The following DAPK1 variants were observed in gnomAD, a reference collection of about 807,000 sequenced individuals.
DAPK1 encodes the protein death-associated protein kinase 1.
In DAPK1, 56 loss-of-function variants were observed where a neutral mutation model predicts 144.9. That is an observed-to-expected ratio of 0.39 (90% CI 0.31 to 0.48). The LOEUF (loss-of-function observed/expected upper bound fraction) is 0.48. DAPK1 is among the 20% of genes least tolerant of loss of function. The pLI is 0.95. For missense variants in DAPK1, 1,454 were observed against 1,875.4 expected, an observed-to-expected ratio of 0.78 and a Z score of 4.15; for synonymous variants, 690 against 749.0, an observed-to-expected ratio of 0.92 and a Z score of 1.29.
intron 3 of DAPK1, among the ~76,000 whole-genome samples, chr9:87,620,476 G>A (rs1829253382): frequency 6.6e-6 from 1 of 152,018 alleles, no homozygotes; most frequent in Admixed American, 6.5e-5. Context: ...CCTCTGATGG[G>A]CTGGTGGTCC....
At chr9:87,659,537 G>T (rs1386345500) in intron 18 of DAPK1, among the ~76,000 whole-genome samples, 1 of 152,238 alleles carries the variant, frequency 6.6e-6, no homozygotes, top group African/African-American at 2.4e-5. Flanking sequence ...GCCAGCAGCT[G>T]ACGCTGCTGA....
At chr9:87,593,056 G>C (rs1301948763) in intron 2 of DAPK1, among the ~76,000 whole-genome samples, 1 of 152,178 alleles carries the variant, frequency 6.6e-6, no homozygotes, top group Admixed American at 6.5e-5. Context: ...GCCACTCACT[G>C]CCTCCCTGAG....
At chr9:87,537,311 A>T (rs1825893040) in intron 2 of DAPK1, among the ~76,000 whole-genome samples, 1 of 152,028 alleles carries the variant, frequency 6.6e-6, no homozygotes, top group Admixed American at 6.6e-5. Context: ...TGTGTTTTGG[A>T]GGCCCTCTGT....
chr9:87,609,151 T>A (rs979463324), intron 3 of DAPK1, among the ~76,000 whole-genome samples: 1 of 152,212 alleles, frequency 6.6e-6, no homozygotes, highest in Non-Finnish European at 1.5e-5. Flanking sequence ...CACCGGCTTT[T>A]CCTTGCCTTT....
In DAPK1 at chr9:87,659,842, G is replaced by A. The variant is rs569661015; in HGVS notation, c.1923+1715G>A. Among the ~76,000 whole-genome samples, 21 of 151,036 alleles carry A rather than the reference G, an allele frequency of 1.4e-4. No homozygotes were observed. The East Asian group carries it at 1.9e-3, about 14-fold the overall frequency. On this transcript the variant is annotated intron_variant, in intron 18 of 25. Transcript: ENST00000408954. ...CACACACCGCACCCGCAGTCACTCC[G>A]CACACACCGGGGGCACAGTGAGAGC...
chr9:87,647,883 C>T (rs980300514), intron 14 of DAPK1, among the ~76,000 whole-genome samples: 2 of 152,176 alleles, frequency 1.3e-5, no homozygotes, highest in Non-Finnish European at 2.9e-5. Context: ...ATAAAAGTTA[C>T]TGATTTATCA....
intron 2 of DAPK1, among the ~76,000 whole-genome samples, chr9:87,547,826 G>C (rs1826316494): frequency 6.6e-6 from 1 of 152,148 alleles, no homozygotes; most frequent in African/African-American, 2.4e-5. Flanking sequence ...CCCTATTAGG[G>C]AGAGTGGTTG....
intron 2 of DAPK1, among the ~76,000 whole-genome samples, chr9:87,507,988 T>C (rs1004340295): frequency 2.0e-5 from 3 of 152,222 alleles, no homozygotes; most frequent in African/African-American, 7.2e-5. Flanking sequence ...TCTTAGTTCA[T>C]TGCTTTTACT....
chr9:87,557,519 A>G (rs1587716531), intron 2 of DAPK1, among the ~76,000 whole-genome samples: 1 of 152,364 alleles, frequency 6.6e-6, no homozygotes, highest in South Asian at 2.1e-4. Context: ...AGTAGCTTTT[A>G]TTGACAAATG....
intron 2 of DAPK1, among the ~76,000 whole-genome samples, chr9:87,520,810 G>C (rs1216065166): frequency 6.6e-6 from 1 of 152,198 alleles, no homozygotes; most frequent in East Asian, 1.9e-4. Context: ...TACATACTCA[G>C]TATAAATATA....
At chr9:87,600,592 C>T (rs1338152065) in intron 2 of DAPK1, among the ~76,000 whole-genome samples, 1 of 150,988 alleles carries the variant, frequency 6.6e-6, no homozygotes, top group Non-Finnish European at 1.5e-5. Context: ...GACCCTGTCT[C>T]AAGAAAAGAA....
chr9:87,703,837 C>T (rs1825542808), intron 25 of DAPK1, among the ~76,000 whole-genome samples: 1 of 152,244 alleles, frequency 6.6e-6, no homozygotes, highest in Non-Finnish European at 1.5e-5. Context: ...AAACCCTGTT[C>T]TAATGGCATC....
chr9:87,581,306 G>C (rs1201810357), intron 2 of DAPK1, among the ~76,000 whole-genome samples: 1 of 152,030 alleles, frequency 6.6e-6, no homozygotes, highest in African/African-American at 2.4e-5. Flanking sequence ...ATGGCACCTG[G>C]CTAGGCGTTA....
At chr9:87,517,375 GCA>G (rs1825103284) in intron 2 of DAPK1, among the ~76,000 whole-genome samples, 1 of 151,914 alleles carries the variant, frequency 6.6e-6, no homozygotes, top group Admixed American at 6.6e-5. Context: ...TCCTCCTTTT[GCA>G]AACTCCTGGG....
intron 2 of DAPK1, among the ~76,000 whole-genome samples, chr9:87,558,482 T>G (rs1257686509): frequency 6.8e-6 from 1 of 147,380 alleles, no homozygotes; most frequent in Non-Finnish European, 1.5e-5. Flanking sequence ...CACTTGATAA[T>G]ATGCTCCACA....
intron 19 of DAPK1, among the ~76,000 whole-genome samples, chr9:87,670,038 TACTC>T (rs1831203254): frequency 6.6e-6 from 1 of 152,292 alleles, no homozygotes; most frequent in South Asian, 2.1e-4. Flanking sequence ...TCCCTAGCCT[TACTC>T]ACCTGTTCTT....
intron 19 of DAPK1, among the ~76,000 whole-genome samples, chr9:87,680,628 G>A (rs1049787288): frequency 5.5e-5 from 8 of 145,248 alleles, no homozygotes; most frequent in African/African-American, 1.7e-4. Flanking sequence ...TCTAAATAAA[G>A]TGTGGGGGTC....
chr9:87,508,132 C>T (rs905841551), intron 2 of DAPK1, among the ~76,000 whole-genome samples: 1 of 151,958 alleles, frequency 6.6e-6, no homozygotes, highest in African/African-American at 2.4e-5. Flanking sequence ...CTGCCTCAGC[C>T]TCCTGAGTAG....
rs180884687 is a variant in DAPK1, at chr9:87,668,817, C to T, written c.2001+143C>T. 17 of 671,634 alleles carry T rather than the reference C, an allele frequency of 2.5e-5. No individual in the cohort carries two copies. The East Asian group carries it at 4.3e-4, about 17-fold the overall frequency. 41.6% of individuals were successfully genotyped at this position (671,634 alleles called of 1,614,324 possible). On this transcript the variant is annotated intron_variant, in intron 19 of 25. Transcript: ENST00000408954. ...ACAGTGGTCCCTGTCCTGTGGTTTA[C>T]ATGTCAGTCGGTATAAATGCATCAG... is the stretch of plus-strand genomic sequence containing the variant.
Sources: gnomAD v4.1 joint callset for allele counts (sites outside exome capture counted in the v4.1 genomes callset) on GRCh38, gnomAD v4.1.1 for gene constraint, MANE v1.5 for transcripts, NCBI Gene and HGNC (gene_info 2026-07-23, HGNC 2026-07-21) for gene names.